The following AP3D1 variants were observed in gnomAD, a reference collection of about 807,000 sequenced individuals.
AP3D1 encodes the protein adaptor related protein complex 3 subunit delta 1, also known as AP-3 complex subunit delta-1.
In AP3D1, 51 loss-of-function variants were observed where a neutral mutation model predicts 147.6. The ratio of observed to expected loss-of-function variants is 0.35; its 90% confidence interval spans 0.28 to 0.44. The LOEUF (loss-of-function observed/expected upper bound fraction) is 0.44. AP3D1 is among the 20% of genes least tolerant of loss of function. AP3D1 has a pLI of 1.00. For synonymous variants in AP3D1, 760 were observed against 663.0 expected, an observed-to-expected ratio of 1.15 and a Z score of -2.25; for missense variants, 1,421 against 1,624.2, an observed-to-expected ratio of 0.87 and a Z score of 2.15.
rs1036026097 is a variant in AP3D1 at position 2,111,229 on chromosome 19, C to T, written c.2985+56G>A. 8 of 1,606,832 alleles carry T rather than the reference C, an allele frequency of 5.0e-6. No homozygotes were observed. The African/African-American group carries it at 1.1e-4, about 21-fold the overall frequency. On this transcript the variant is annotated intron_variant, in intron 26 of 31. Transcript: ENST00000643116. ...GGGGCTGCCCGGGTTCCGCGCGATC[C>T]CATGCCAAAGAGTGTGGGCTGGCCC...
intron 30 of AP3D1, 154 bp downstream of exon 30, chr19:2,108,932 G>A (rs922038046): frequency 4.5e-6 from 6 of 1,331,592 alleles, no homozygotes; most frequent in African/African-American, 1.5e-5. Flanking sequence ...TGCAGCCCCC[G>A]CACCAGCTCC....
At chr19:2,119,576 G>C (rs531832294) in intron 14 of AP3D1, among the ~76,000 whole-genome samples, 1 of 151,934 alleles carries the variant, frequency 6.6e-6, no homozygotes, top group Non-Finnish European at 1.5e-5. Flanking sequence ...GGCGCCTGTA[G>C]TCCCAGCTAC....
chr19:2,124,669 G>C (rs1432618497), intron 9 of AP3D1, among the ~76,000 whole-genome samples: 1 of 152,162 alleles, frequency 6.6e-6, no homozygotes, highest in African/African-American at 2.4e-5. Context: ...GGCCAGGCGC[G>C]GTGGCTCATG....
At chr19:2,142,330 T>C (rs1353364331) in intron 1 of AP3D1, among the ~76,000 whole-genome samples, 1 of 151,550 alleles carries the variant, frequency 6.6e-6, no homozygotes, top group African/African-American at 2.4e-5. Context: ...TTTTTACTTT[T>C]GTAGAGTTGG....
In AP3D1 at chr19:2,111,655, C is replaced by T. The variant is rs559730562; in HGVS notation, c.2937+24G>A. On this transcript the variant is annotated intron_variant, in intron 25 of 31. Coordinates refer to ENST00000643116, the MANE Select transcript of AP3D1 (RefSeq NM_001261826.3). ...GCCCGCCAGGAACCCCGGCGTGGGG[C>T]GGGGGCGCTGAAGTACCCCTCACCG... is the stretch of plus-strand genomic sequence containing the variant. 4.5e-6 allele frequency: 7 copies of T among 1,565,180 alleles called. No individual in the cohort carries two copies. In the East Asian group the frequency reaches 7.0e-5, roughly 16 times the overall value.
chr19:2,138,485 G>A, intron 2 of AP3D1, 134 bp downstream of exon 2: 1 of 718,486 alleles, frequency 1.4e-6, no homozygotes, highest in South Asian at 1.6e-5. Context: ...CTCTGGGTTG[G>A]CCCTGAGTGG....
At chr19:2,142,839 C>G (rs1184021553) in intron 1 of AP3D1, among the ~76,000 whole-genome samples, 1 of 151,904 alleles carries the variant, frequency 6.6e-6, no homozygotes, top group Non-Finnish European at 1.5e-5. Flanking sequence ...CTTGGCTCAC[C>G]ACAACCTCCG....
At chr19:2,144,204 G>A (rs926621413) in intron 1 of AP3D1, among the ~76,000 whole-genome samples, 1 of 152,090 alleles carries the variant, frequency 6.6e-6, no homozygotes, top group South Asian at 2.1e-4. Flanking sequence ...CCATCACTTC[G>A]AATTCAAACA....
chr19:2,143,067 TTTTC>T (rs1431975853), intron 1 of AP3D1, among the ~76,000 whole-genome samples: 1 of 150,026 alleles, frequency 6.7e-6, no homozygotes, highest in East Asian at 2.0e-4. Context: ...CCCAGCCTCT[TTTTC>T]TTTTTTTTCT....
At chr19:2,108,193 G>C (rs2018164577) in intron 31 of AP3D1, among the ~76,000 whole-genome samples, 3 of 152,172 alleles carry the variant, frequency 2.0e-5, no homozygotes, top group African/African-American at 4.8e-5. Flanking sequence ...CACCAGAAAA[G>C]AAAACTAAAG....
At chr19:2,120,728 C>T in intron 14 of AP3D1, 134 bp downstream of exon 14, 1 of 836,742 alleles carries the variant, frequency 1.2e-6, no homozygotes, top group Middle Eastern at 3.6e-4. Context: ...GTGCTGGAAA[C>T]CCACGGACCT....
chr19:2,143,876 T>C (rs1167288964), intron 1 of AP3D1, among the ~76,000 whole-genome samples: 1 of 151,440 alleles, frequency 6.6e-6, no homozygotes, highest in Non-Finnish European at 1.5e-5. Flanking sequence ...TCGCCTGAGG[T>C]TGGGAGTTCG....
chr19:2,159,789 C>T (rs1224104252), intron 1 of AP3D1, among the ~76,000 whole-genome samples: 1 of 152,062 alleles, frequency 6.6e-6, no homozygotes, highest in African/African-American at 2.4e-5. Flanking sequence ...CAAGCTCCAC[C>T]TCCCAGGTTC....
chr19:2,127,365 C>T (rs2018785631), intron 8 of AP3D1, among the ~76,000 whole-genome samples, 164 bp from the exon 9 acceptor site: 1 of 152,208 alleles, frequency 6.6e-6, no homozygotes, highest in South Asian at 2.1e-4. Context: ...TGGTGCTCGG[C>T]TGGTCATCGT....
upstream of AP3D1, among the ~76,000 whole-genome samples, chr19:2,152,491 C>A (rs568923744): frequency 6.6e-6 from 1 of 151,496 alleles, no homozygotes; most frequent in Non-Finnish European, 1.5e-5. Context: ...TGCAGTGAGC[C>A]GAGATGGCGC....
intron 27 of AP3D1, 74 bp downstream of exon 27, chr19:2,110,633 G>C: frequency 7.0e-7 from 1 of 1,422,464 alleles, no homozygotes; most frequent in Non-Finnish European, 9.4e-7. Flanking sequence ...AAGAACCAGC[G>C]GATCCGGGCA....
chr19:2,118,533 C>G (rs556189427), intron 15 of AP3D1, 68 bp downstream of exon 15: 2 of 1,455,652 alleles, frequency 1.4e-6, no homozygotes, highest in African/African-American at 2.8e-5. Flanking sequence ...GTCGACCTGG[C>G]CGCCACTGGA....
chr19:2,114,063 C>A (rs2018363235), intron 22 of AP3D1, 62 bp downstream of exon 22: 1 of 1,518,702 alleles, frequency 6.6e-7, no homozygotes, highest in East Asian at 2.4e-5. Flanking sequence ...ACCGCTGTCT[C>A]CTGGGAGTTC....
At chr19:2,105,387 G>A (rs2018081811) in intron 31 of AP3D1, among the ~76,000 whole-genome samples, 1 of 152,202 alleles carries the variant, frequency 6.6e-6, no homozygotes, top group Non-Finnish European at 1.5e-5. Flanking sequence ...GCTGGCCCAG[G>A]GTGGAAAACC....
Sources: gnomAD v4.1 joint callset for allele counts (sites outside exome capture counted in the v4.1 genomes callset) on GRCh38, gnomAD v4.1.1 for gene constraint, MANE v1.5 for transcripts, NCBI Gene and HGNC (gene_info 2026-07-23, HGNC 2026-07-21) for gene names.